The following SAMMSON variants were observed in gnomAD, a reference collection of about 807,000 sequenced individuals.
The protein encoded by SAMMSON is survival associated mitochondrial melanoma specific oncogenic non-coding RNA, also known as long intergenic non-protein coding RNA 1212.
At chr3:70,333,720 A>T (rs1210229686) in intron 7 of SAMMSON, among the ~76,000 whole-genome samples, 1 of 152,198 alleles carries the variant, frequency 6.6e-6, no homozygotes, top group Non-Finnish European at 1.5e-5. Context: ...TTGCTGCTGT[A>T]TAGCATTCCT....
chr3:70,241,910 AC>A (rs1284245341), intron 4 of SAMMSON, among the ~76,000 whole-genome samples: 12 of 152,172 alleles, frequency 7.9e-5, no homozygotes, highest in Non-Finnish European at 1.5e-5. Flanking sequence ...GAGTCCAATA[AC>A]CTGTGCTCAA....
intron 7 of SAMMSON, among the ~76,000 whole-genome samples, chr3:70,297,660 T>C (rs528898910): frequency 6.6e-6 from 1 of 152,268 alleles, no homozygotes; most frequent in East Asian, 1.9e-4. Flanking sequence ...TCCTCCCTTA[T>C]GTAAAACGAG....
chr3:70,356,110 G>A (rs1702827516), intron 8 of SAMMSON, among the ~76,000 whole-genome samples: 1 of 152,114 alleles, frequency 6.6e-6, no homozygotes, highest in South Asian at 2.1e-4. Context: ...TAACGGTAAT[G>A]ACTCAGTGAC....
At chr3:70,258,425 T>A (rs943122057) in intron 6 of SAMMSON, among the ~76,000 whole-genome samples, 7 of 152,100 alleles carry the variant, frequency 4.6e-5, no homozygotes, top group African/African-American at 1.7e-4. Flanking sequence ...AATATGTATT[T>A]ACAGAGAGAG....
chr3:70,015,966 A>T (rs1422138407), intron 3 of SAMMSON, among the ~76,000 whole-genome samples: 3 of 152,236 alleles, frequency 2.0e-5, no homozygotes, highest in Non-Finnish European at 4.4e-5. Context: ...TCTGTCATTG[A>T]TGGACATTTG....
intron 3 of SAMMSON, chr3:70,024,805 C>T (rs1340235699): frequency 6.6e-6 from 1 of 152,244 alleles, no homozygotes; most frequent in East Asian, 1.9e-4. Flanking sequence ...CTGTTTGCTT[C>T]TACCTTGTGC....
chr3:70,318,915 G>C (rs1702515842), intron 7 of SAMMSON, among the ~76,000 whole-genome samples: 1 of 151,972 alleles, frequency 6.6e-6, no homozygotes, highest in East Asian at 1.9e-4. Context: ...TGTGTCCAAG[G>C]CATGTTATTT....
At chr3:70,204,846 T>C (rs1304358185) in intron 4 of SAMMSON, 2 of 152,110 alleles carry the variant, frequency 1.3e-5, no homozygotes, top group African/African-American at 2.4e-5. Context: ...ACTGTGGATA[T>C]GTACAATGGC....
intron 7 of SAMMSON, among the ~76,000 whole-genome samples, chr3:70,301,372 G>A (rs6549333): frequency 6.6e-6 from 1 of 151,888 alleles, no homozygotes; most frequent in South Asian, 2.1e-4. Flanking sequence ...GTTTTTGCAT[G>A]TTCTATTATA....
chr3:70,005,069 T>C (rs2066921094), intron 1 of SAMMSON, among the ~76,000 whole-genome samples: 1 of 152,212 alleles, frequency 6.6e-6, no homozygotes, highest in African/African-American at 2.4e-5. Context: ...TCTCTCTCTT[T>C]GCTACAATGT....
At chr3:70,321,668 C>G (rs1302005641) in intron 7 of SAMMSON, among the ~76,000 whole-genome samples, 1 of 151,976 alleles carries the variant, frequency 6.6e-6, no homozygotes, top group Non-Finnish European at 1.5e-5. Flanking sequence ...AAAAAATACT[C>G]TTCATTACCC....
Position 70,224,942 on chromosome 3 carries a change from T to C in SAMMSON, n.508-24165T>C, listed in dbSNP as rs191223340. On this transcript the variant is annotated intron_variant and non_coding_transcript_variant, in intron 4 of 9. Transcript: ENST00000642114. The stretch of plus-strand genomic sequence containing the variant: ...GCAAAGTGTGGTGAAACAGATTCAT[T>C]AGTTTTGACTAAATACAAGGTTTTC... Among the ~76,000 whole-genome samples, 21 of 152,286 alleles carry C rather than the reference T, an allele frequency of 1.4e-4. No individual in the cohort carries two copies. In the East Asian group the frequency reaches 4.1e-3, roughly 29 times the overall value.
At chr3:70,032,765 C>T (rs1395862100) in intron 3 of SAMMSON, among the ~76,000 whole-genome samples, 1 of 152,158 alleles carries the variant, frequency 6.6e-6, no homozygotes, top group Admixed American at 6.6e-5. Context: ...GAGTTCAGAG[C>T]CCAGTGCAGG....
chr3:70,230,315 T>C (rs952994315), intron 4 of SAMMSON, among the ~76,000 whole-genome samples: 2 of 152,166 alleles, frequency 1.3e-5, no homozygotes, highest in Non-Finnish European at 2.9e-5. Flanking sequence ...AGGAGATTCA[T>C]TTCACTGCAA....
intron 4 of SAMMSON, among the ~76,000 whole-genome samples, chr3:70,193,944 G>GA (rs199865369): frequency 6.6e-6 from 1 of 151,480 alleles, no homozygotes; most frequent in Non-Finnish European, 1.5e-5. Flanking sequence ...TGCTCCTTTG[G>GA]AAAAAAAACT....
chr3:70,418,042 G>A lies in SAMMSON; in HGVS notation n.234-44518G>A, dbSNP rs143197073. 1.2e-3 allele frequency among the ~76,000 whole-genome samples: 184 copies of A among 152,300 alleles called. 2 individuals carry two copies. Among genetic ancestry groups the A allele is most frequent in the African/African-American group, 3.8e-3 (159 of 41,564 alleles). On this transcript the variant is annotated intron_variant and non_coding_transcript_variant, in intron 2 of 3. Coordinates refer to the SAMMSON transcript ENST00000641053. ...GGTCATCCCTGAAGTTTCTGTCCCAGGACCTCAGCACCAGAGTGGCCACAT... is the reference window on the plus strand; with the variant it reads ...GGTCATCCCTGAAGTTTCTGTCCCAAGACCTCAGCACCAGAGTGGCCACAT...
At chr3:70,378,209 T>C (rs1037821975) in intron 9 of SAMMSON, among the ~76,000 whole-genome samples, 1 of 151,704 alleles carries the variant, frequency 6.6e-6, no homozygotes, top group Non-Finnish European at 1.5e-5. Flanking sequence ...TCACTCTGAA[T>C]GCTAATAAAT....
chr3:70,206,576 GTC>G (rs1301871051), intron 4 of SAMMSON: 2 of 397,592 alleles, frequency 5.0e-6, no homozygotes, highest in Non-Finnish European at 8.9e-6. Context: ...TACCATCAGT[GTC>G]TCTGTGATGA....
At position 70,309,404 on chromosome 3, in the gene SAMMSON, CAT is replaced by C. The variant is rs1373721058; in HGVS notation, n.739+18163_739+18164del. On this transcript the variant is annotated intron_variant and non_coding_transcript_variant, in intron 7 of 9. Transcript: ENST00000642114. ...AAGTGTGAACTAAGCTCTCAAAAAA[CAT>C]AACTGTATTATTCTGAGTAATGCTT... Among the ~76,000 whole-genome samples the C allele has an allele frequency of 2.0e-4, 31 of 152,102 alleles. 1 individual carries two copies. Among genetic ancestry groups the C allele is most frequent in the Non-Finnish European group, 5.9e-5 (4 of 68,012 alleles).
Sources: gnomAD v4.1 joint callset for allele counts (sites outside exome capture counted in the v4.1 genomes callset) on GRCh38, gnomAD v4.1.1 for gene constraint, MANE v1.5 for transcripts, NCBI Gene and HGNC (gene_info 2026-07-23, HGNC 2026-07-21) for gene names.